L1CAM: variants seen among roughly 807,000 people sequenced by gnomAD.
L1CAM encodes the protein L1 cell adhesion molecule.
Under a neutral mutation model 93.0 loss-of-function variants are expected in L1CAM, and 8 were observed. That is an observed-to-expected ratio of 0.09 (90% CI 0.05 to 0.16). The LOEUF (loss-of-function observed/expected upper bound fraction) is 0.16, where lower values mean the gene tolerates loss of function less well. L1CAM is among the 10% of genes least tolerant of loss of function. The pLI is 1.00. For missense variants in L1CAM, 777 were observed against 1,073.4 expected (o/e 0.72, Z 3.86); for synonymous variants, 453 against 453.0 (o/e 1.00, Z 0.00).
intron 2 of L1CAM, among the ~76,000 whole-genome samples, chrX:153,874,673 C>T (rs2064799604): frequency 8.9e-6 from 1 of 112,373 alleles, no homozygotes; most frequent in Non-Finnish European, 1.9e-5. Context: ...TCCGCCAACT[C>T]GTCTCTCAGT....
At chrX:153,865,858 TC>T in intron 19 of L1CAM, 39 bp from the exon 20 acceptor site, 3 of 989,142 alleles carry the variant, frequency 3.0e-6, no homozygotes, top group Non-Finnish European at 4.3e-6. Flanking sequence ...CCATAGGCTC[TC>T]ACCCCAGCCC....
intron 1 of L1CAM, chrX:153,884,081 T>C (rs782674618): frequency 1.8e-6 from 1 of 563,717 alleles, no homozygotes. Flanking sequence ...TCCTCACTCT[T>C]TGCCTCCCTT....
chrX:153,865,263 G>A, intron 21 of L1CAM, 36 bp downstream of exon 21: 2 of 1,209,321 alleles, frequency 1.7e-6, no homozygotes, highest in South Asian at 3.5e-5. Flanking sequence ...GTCTGGGGAG[G>A]AGGGCAGGGG....
intron 5 of L1CAM, 152 bp from the exon 6 acceptor site, chrX:153,871,331 C>A (rs2857754): frequency 1.3e-5 from 7 of 526,247 alleles, no homozygotes; most frequent in Non-Finnish European, 2.3e-5. Flanking sequence ...GAAAAGGAGG[C>A]AGACACTCTG....
At chrX:153,870,276 G>C (rs199588066) in intron 8 of L1CAM, 36 bp from the exon 9 acceptor site, 1 of 1,198,058 alleles carries the variant, frequency 8.3e-7, no homozygotes, top group Non-Finnish European at 1.1e-6. Context: ...GCAGAAGGGA[G>C]AAAGGACAAG....
chrX:153,884,140 G>A (rs782462416), intron 1 of L1CAM: 28 of 848,151 alleles, frequency 3.3e-5, no homozygotes, highest in Middle Eastern at 3.2e-4. Flanking sequence ...GACACCCCAC[G>A]AAGACAGGGA....
At chrX:153,874,475 T>C in intron 2 of L1CAM, among the ~76,000 whole-genome samples, 1 of 113,082 alleles carries the variant, frequency 8.8e-6, no homozygotes, top group Non-Finnish European at 1.9e-5. Flanking sequence ...CATGCACCTG[T>C]GTGCATGTGT....
At chrX:153,880,521 G>A (rs782350046) in intron 1 of L1CAM, among the ~76,000 whole-genome samples, 5 of 112,156 alleles carry the variant, frequency 4.5e-5, no homozygotes, top group Non-Finnish European at 7.5e-5. Flanking sequence ...GAAAGGGTCA[G>A]AGTGTGGTGC....
Position 153,875,851 on chromosome X carries a change from C to T in L1CAM, c.-15G>A, listed in dbSNP as rs782328211. 3.3e-6 allele frequency: 4 copies of T among 1,204,139 alleles called. No homozygotes were observed. Among genetic ancestry groups the T allele is most frequent in the Non-Finnish European group, 4.5e-6 (4 of 892,631 alleles). ...GCCACGACCATCTTTCCCGGCGGCA[C>T]CGCGCAGCACAGCCAGCCGGGCTCG... On this transcript the variant is annotated 5_prime_UTR_variant, in exon 2 of 29. The change creates a new upstream start codon in the 5' untranslated region. Coordinates refer to ENST00000370060, the MANE Select transcript of L1CAM (RefSeq NM_001278116.2).
At chrX:153,880,737 A>G (rs1338538001) in intron 1 of L1CAM, 1 of 327,598 alleles carries the variant, frequency 3.1e-6, no homozygotes, top group Non-Finnish European at 6.1e-6. Flanking sequence ...AGCCAGAGGA[A>G]AGCCTTGTTA....
Position 153,885,861 on chromosome X carries a change from G to A in L1CAM, c.-109+204C>T, listed in dbSNP as rs1191205872. 4 of 809,615 alleles carry A rather than the reference G, an allele frequency of 4.9e-6. No homozygotes were observed. The African/African-American group carries it at 9.2e-5, about 19-fold the overall frequency. The allele number at this position is 809,615 out of a possible 1,213,427, so 66.7% of individuals were successfully genotyped here. ...CCTCACCTGTCGGGCTCGGGCACCC[G>A]GCATCCCTCCCCCGCCCCGCTTACA... is the stretch of plus-strand genomic sequence containing the variant. On this transcript the variant is annotated intron_variant, in intron 1 of 28. Transcript: ENST00000370060.
At position 153,865,707 on chromosome X, in the gene L1CAM, G is replaced by A; in HGVS notation, c.2544C>T (p.Tyr848=). The A allele has an allele frequency of 1.7e-6, 2 of 1,195,248 alleles. No homozygotes were observed. Among genetic ancestry groups the A allele is most frequent in the Non-Finnish European group, 2.3e-6 (2 of 880,416 alleles). ...CCCCCATGCCTTCAACCCTTACATT[G>A]TATCCGCGGAGGTGGCCCTTGACCT... The part of the protein sequence containing the change: ...LAQVKGHLRG[Y]NVTYWREGSQ... The change falls in exon 20 of 29, where the codon TAC becomes TAT. Residue 848 remains tyrosine, a synonymous_variant. Coordinates refer to ENST00000370060, the MANE Select transcript of L1CAM (RefSeq NM_001278116.2).
intron 27 of L1CAM, 46 bp downstream of exon 27, chrX:153,863,431 G>A (rs1557089576): frequency 1.7e-6 from 2 of 1,209,576 alleles, no homozygotes; most frequent in Admixed American, 2.2e-5. Flanking sequence ...AGATGTGAAG[G>A]CCAGGGTGGA....
At position 153,865,076 on chromosome X, in the gene L1CAM, C is replaced by A. The variant is rs782736446; in HGVS notation, c.2872+12G>T. 1.7e-6 allele frequency: 2 copies of A among 1,211,157 alleles called. No homozygotes were observed. Among genetic ancestry groups the A allele is most frequent in the South Asian group, 3.5e-5 (2 of 57,004 alleles). ...CCTCCACCTCCCTTCCCTGCTGGGGCGGCGCACGCACGGGGGTGGTAGGAG... is the reference window on the plus strand; with the variant it reads ...CCTCCACCTCCCTTCCCTGCTGGGGAGGCGCACGCACGGGGGTGGTAGGAG... On this transcript the variant is annotated intron_variant, in intron 22 of 28. Transcript: ENST00000370060.
chrX:153,862,282 A>C lies in L1CAM; in HGVS notation c.*381T>G. On this transcript the variant is annotated 3_prime_UTR_variant, in exon 29 of 29. Transcript: ENST00000370060. ...CTGGGGAGTGGCTGGGGGAGGGGGA[A>C]GGTGCCAACCCTGGTCCTGAGGAGA... is the stretch of plus-strand genomic sequence containing the variant. 1 of 167,015 alleles carries C rather than the reference A, an allele frequency of 6.0e-6. No homozygotes were observed. The highest frequency in any genetic ancestry group is 1.1e-5 in the Non-Finnish European group (1 of 87,727). The allele number at this position is 167,015 out of a possible 1,213,427, so 13.8% of individuals were successfully genotyped here. A position where few individuals can be genotyped will look rare whatever the true frequency, so the allele number is the denominator to read the frequency against.
At chrX:153,866,012 C>T in intron 19 of L1CAM, 193 bp from the exon 20 acceptor site, 1 of 432,805 alleles carries the variant, frequency 2.3e-6, no homozygotes, top group South Asian at 3.4e-5. Flanking sequence ...AAAATAGTAG[C>T]TTATACAAAG....
At chrX:153,876,972 C>T (rs1472075821) in intron 1 of L1CAM, among the ~76,000 whole-genome samples, 1 of 110,006 alleles carries the variant, frequency 9.1e-6, no homozygotes, top group Admixed American at 9.7e-5. Context: ...GCCCCCCAGC[C>T]TGGGTGATGG....
At position 153,883,913 on chromosome X, in the gene L1CAM, T is replaced by G. The variant is rs1243427046; in HGVS notation, c.-109+2152A>C. On this transcript the variant is annotated intron_variant, in intron 1 of 28. Transcript: ENST00000370060. ...GTGATCAAGGTAGGGCACACAGGCC[T>G]GTCTCCTCGACCCTCACCTGCCAGT... The G allele has an allele frequency of 3.8e-5, 13 of 340,033 alleles. No homozygotes were observed. In the East Asian group the frequency reaches 1.2e-3, roughly 31 times the overall value. 28.0% of individuals were successfully genotyped at this position (340,033 alleles called of 1,213,427 possible).
rs373846724 is a variant in L1CAM, at chrX:153,865,405, G to A, written c.2643C>T (p.Ile881=). The change falls in exon 21 of 29, where the codon ATC becomes ATT. Residue 881 remains isoleucine (I), a synonymous_variant. Coordinates refer to ENST00000370060, the MANE Select transcript of L1CAM (RefSeq NM_001278116.2). The part of the protein sequence containing the change: ...VVVPANTTSV[I]LSGLRPYSSY... ...AGCTATAGGGCCGCAAGCCACTGAG[G>A]ATGACACTGGTGGTGTTGGCGGGCA... 2 of 1,211,333 alleles carry A rather than the reference G, an allele frequency of 1.7e-6. No homozygotes were observed. Among genetic ancestry groups the A allele is most frequent in the African/African-American group, 3.5e-5 (2 of 57,843 alleles).
Sources: allele counts gnomAD v4.1 joint callset (sites outside exome capture counted in the v4.1 genomes callset), GRCh38; gene constraint gnomAD v4.1.1; transcripts MANE v1.5; gene names NCBI Gene and HGNC (gene_info 2026-07-23, HGNC 2026-07-21).